The following WDPCP variants were observed in gnomAD, a reference collection of about 807,000 sequenced individuals.
WDPCP encodes the protein WD repeat containing planar cell polarity effector.
Under a neutral mutation model 93.1 loss-of-function variants are expected in WDPCP, and 71 were observed. The observed-to-expected ratio is 0.76, with a 90% confidence interval of 0.63 to 0.93. WDPCP has a LOEUF of 0.93. Ranked by LOEUF, WDPCP falls within the 40% of genes least tolerant of loss-of-function variation. The pLI is 0.00. For missense variants in WDPCP, 844 were observed against 887.4 expected (o/e 0.95, Z 0.62); for synonymous variants, 315 against 315.0 (o/e 1.00, Z 0.00).
intron 2 of WDPCP, among the ~76,000 whole-genome samples, chr2:63,722,629 C>T (rs1273756458): frequency 1.6e-5 from 2 of 128,288 alleles, no homozygotes; most frequent in Non-Finnish European, 3.4e-5. Flanking sequence ...AGCCCCCGCC[C>T]GGCCAGCCGC....
intron 1 of WDPCP, among the ~76,000 whole-genome samples, chr2:63,509,268 G>T (rs1330558099): frequency 6.6e-6 from 1 of 152,130 alleles, no homozygotes; most frequent in African/African-American, 2.4e-5. Context: ...TAGAACTCAG[G>T]ATTAAGAAAC....
chr2:63,702,650 T>A (rs978480988), intron 2 of WDPCP, among the ~76,000 whole-genome samples: 2 of 151,708 alleles, frequency 1.3e-5, no homozygotes, highest in African/African-American at 2.4e-5. Context: ...ACCATTCTCC[T>A]GCCTCAGCCT....
At chr2:63,268,452 ATTTTTAT>A (rs1417988938) in intron 13 of WDPCP, among the ~76,000 whole-genome samples, 1 of 151,988 alleles carries the variant, frequency 6.6e-6, no homozygotes, top group Non-Finnish European at 1.5e-5. Flanking sequence ...TTCAAAATAG[ATTTTTAT>A]TTTTTATCTT....
intron 17 of WDPCP, among the ~76,000 whole-genome samples, chr2:63,139,063 G>GTGTA (rs1198434454): frequency 4.6e-5 from 7 of 152,070 alleles, no homozygotes; most frequent in Non-Finnish European, 1.5e-5. Flanking sequence ...GTACTCCACT[G>GTGTA]TGTATGTATG....
At chr2:63,569,728 G>A (rs570234867) in intron 1 of WDPCP, among the ~76,000 whole-genome samples, 1 of 152,282 alleles carries the variant, frequency 6.6e-6, no homozygotes, top group African/African-American at 2.4e-5. Flanking sequence ...AGTTAACACT[G>A]TGTTGATAAC....
intron 12 of WDPCP, among the ~76,000 whole-genome samples, chr2:63,322,956 G>A (rs1484433693): frequency 1.3e-5 from 2 of 152,250 alleles, no homozygotes; most frequent in Non-Finnish European, 2.9e-5. Context: ...AGACACAGGT[G>A]TCAGGCTTTC....
chr2:63,176,045 A>G (rs775106178), intron 14 of WDPCP, among the ~76,000 whole-genome samples: 11 of 152,140 alleles, frequency 7.2e-5, no homozygotes, highest in African/African-American at 2.2e-4. Flanking sequence ...AATCCTACCA[A>G]CAGTGCACAA....
chr2:63,363,262 T>G (rs905086305), intron 12 of WDPCP, among the ~76,000 whole-genome samples: 12 of 152,122 alleles, frequency 7.9e-5, no homozygotes, highest in African/African-American at 2.9e-4. Flanking sequence ...ACGAAGGGAT[T>G]CTTCTATGTT....
intron 6 of WDPCP, among the ~76,000 whole-genome samples, chr2:63,461,254 G>A (rs1318801863): frequency 2.0e-5 from 3 of 152,180 alleles, no homozygotes; most frequent in African/African-American, 7.2e-5. Flanking sequence ...GGGCCTGCGG[G>A]GAGGTATTTG....
chr2:63,656,958 A>G (rs191129974), intron 2 of WDPCP, among the ~76,000 whole-genome samples: 1 of 152,230 alleles, frequency 6.6e-6, no homozygotes, highest in East Asian at 1.9e-4. Flanking sequence ...CTATCTAGGG[A>G]AGGGAATTCC....
chr2:63,555,039 G>A (rs944312219), intron 1 of WDPCP, among the ~76,000 whole-genome samples: 2 of 152,274 alleles, frequency 1.3e-5, no homozygotes, highest in African/African-American at 4.8e-5. Flanking sequence ...AACGCACAGA[G>A]ATGTGCAGAT....
At chr2:63,527,221 G>A (rs899788084) in intron 1 of WDPCP, among the ~76,000 whole-genome samples, 1 of 138,932 alleles carries the variant, frequency 7.2e-6, no homozygotes, top group African/African-American at 2.7e-5. Flanking sequence ...GGGCAGGCAT[G>A]CTTTTTTTTT....
At chr2:63,595,996 A>G (rs1003922896) in intron 3 of WDPCP, among the ~76,000 whole-genome samples, 1 of 152,136 alleles carries the variant, frequency 6.6e-6, no homozygotes, top group Non-Finnish European at 1.5e-5. Context: ...CATCCCATCT[A>G]CCAATCATCA....
At chr2:63,527,912 C>A (rs1703474709) in intron 1 of WDPCP, among the ~76,000 whole-genome samples, 1 of 152,062 alleles carries the variant, frequency 6.6e-6, no homozygotes, top group African/African-American at 2.4e-5. Flanking sequence ...GATCGCCATT[C>A]TAACTGGTGT....
chr2:63,550,230 CA>C (rs1558793362), intron 1 of WDPCP, among the ~76,000 whole-genome samples: 39,646 of 148,130 alleles, frequency 0.27, 5,796 homozygotes, highest in Non-Finnish European at 0.29. Context: ...CACACACACA[CA>C]CACACACACC....
rs185519383 is a variant in WDPCP, at chr2:63,190,574, C to T, written c.1916-15742G>A. 3.6e-3 allele frequency among the ~76,000 whole-genome samples: 548 copies of T among 151,702 alleles called. 4 individuals are homozygous for T. Among genetic ancestry groups the T allele is most frequent in the African/African-American group, 0.013 (524 of 41,340 alleles). On this transcript the variant is annotated intron_variant, in intron 14 of 17. Transcript: ENST00000272321. ...AAAGTAAGATCCATAGTGGCAGCAA[C>T]TTAATATGGTTATAACTTTTAGAAA... is the stretch of plus-strand genomic sequence containing the variant.
At chr2:63,754,521 T>A (rs577865025) in intron 2 of WDPCP, among the ~76,000 whole-genome samples, 99 of 152,366 alleles carry the variant, frequency 6.5e-4, no homozygotes, top group African/African-American at 2.1e-3. Flanking sequence ...TGAATAAGAC[T>A]TGATGTAAGG....
At chr2:63,275,152 C>T (rs555850123) in intron 13 of WDPCP, among the ~76,000 whole-genome samples, 19 of 152,182 alleles carry the variant, frequency 1.2e-4, no homozygotes, top group Non-Finnish European at 2.1e-4. Context: ...AAGGATGCTT[C>T]GACATAGGCA....
intron 2 of WDPCP, among the ~76,000 whole-genome samples, chr2:63,692,804 T>C (rs772334967): frequency 6.6e-6 from 1 of 152,220 alleles, no homozygotes; most frequent in African/African-American, 2.4e-5. Flanking sequence ...GACATTCTTA[T>C]GTATTATGTA....
Sources: gnomAD v4.1 joint callset for allele counts (sites outside exome capture counted in the v4.1 genomes callset) on GRCh38, gnomAD v4.1.1 for gene constraint, MANE v1.5 for transcripts, NCBI Gene and HGNC (gene_info 2026-07-23, HGNC 2026-07-21) for gene names.